The following LMF1 variants were observed in gnomAD, a reference collection of about 807,000 sequenced individuals.
LMF1 encodes transmembrane protein 112.
LMF1 carries 68 observed loss-of-function variants against 60.6 expected under a neutral mutation model. That is an observed-to-expected ratio of 1.12 (90% CI 0.92 to 1.37). LMF1 has a LOEUF of 1.37. Ranked by LOEUF, LMF1 falls within the 40% of genes most tolerant of loss-of-function variation. LMF1 has a pLI of 0.00. For missense variants in LMF1, 948 were observed against 767.2 expected (o/e 1.24, Z -2.78); for synonymous variants, 418 against 324.7 (o/e 1.29, Z -3.09).
At position 881,912 on chromosome 16, in the gene LMF1, C is replaced by G. The variant is rs368485962; in HGVS notation, c.730-2175G>C. ...CTGACGTGTGTCGGCTGAGCTCTGA[C>G]GGGGAGGGGAGCGGGGGCTGCTTAT... On this transcript the variant is annotated intron_variant, in intron 5 of 10. Coordinates refer to ENST00000262301, the MANE Select transcript of LMF1 (RefSeq NM_022773.4). 2.0e-5 allele frequency among the ~76,000 whole-genome samples: 3 copies of G among 152,220 alleles called. No homozygotes were observed. In the South Asian group the frequency reaches 6.2e-4, roughly 32 times the overall value.
intron 2 of LMF1, among the ~76,000 whole-genome samples, chr16:938,205 T>G (rs1361901541): frequency 6.6e-6 from 1 of 152,166 alleles, no homozygotes; most frequent in Non-Finnish European, 1.5e-5. Context: ...GCCGGGACGC[T>G]GGGTCCCGCT....
At chr16:880,220 G>T (rs1191231489) in intron 5 of LMF1, among the ~76,000 whole-genome samples, 2 of 152,152 alleles carry the variant, frequency 1.3e-5, no homozygotes, top group Non-Finnish European at 2.9e-5. Context: ...CAGGAATGGG[G>T]CCCGGGTCCC....
intron 3 of LMF1, among the ~76,000 whole-genome samples, chr16:930,139 G>A (rs557961966): frequency 2.1e-5 from 3 of 143,214 alleles, no homozygotes; most frequent in South Asian, 4.7e-4. Context: ...GGTGGCGTCC[G>A]TCTGAACGGG....
At chr16:891,392 G>T (rs1003696018) in intron 5 of LMF1, among the ~76,000 whole-genome samples, 11 of 152,258 alleles carry the variant, frequency 7.2e-5, no homozygotes, top group African/African-American at 2.7e-4. Flanking sequence ...GAAGGCATCA[G>T]AGTGTTTGTT....
chr16:966,315 A>G (rs1477583752), intron 1 of LMF1, among the ~76,000 whole-genome samples: 2 of 152,176 alleles, frequency 1.3e-5, no homozygotes, highest in Non-Finnish European at 2.9e-5. Context: ...CAAAGCCCCC[A>G]GCACTCATGC....
intron 6 of LMF1, among the ~76,000 whole-genome samples, chr16:877,987 G>C (rs1404588630): frequency 6.6e-6 from 1 of 151,822 alleles, no homozygotes; most frequent in Non-Finnish European, 1.5e-5. Context: ...CGTGGGGTCT[G>C]GCTACACAGA....
At chr16:895,605 A>G (rs2070640133) in intron 4 of LMF1, among the ~76,000 whole-genome samples, 1 of 152,026 alleles carries the variant, frequency 6.6e-6, no homozygotes, top group Admixed American at 6.5e-5. Flanking sequence ...TGTTTGGAAC[A>G]TGGGGCTCGC....
chr16:937,037 GCC>G (rs2071967274), intron 2 of LMF1, among the ~76,000 whole-genome samples: 1 of 152,302 alleles, frequency 6.6e-6, no homozygotes, highest in Admixed American at 6.5e-5. Context: ...GTGACTCAGG[GCC>G]ACCAAAATAC....
chr16:908,814 C>T (rs1025355523), intron 4 of LMF1, among the ~76,000 whole-genome samples: 6 of 152,346 alleles, frequency 3.9e-5, no homozygotes, highest in African/African-American at 1.4e-4. Context: ...AGGGATGCCC[C>T]GGTGCCCGCC....
At chr16:967,950 A>G (rs1415822476) in intron 1 of LMF1, among the ~76,000 whole-genome samples, 1 of 152,254 alleles carries the variant, frequency 6.6e-6, no homozygotes, top group East Asian at 1.9e-4. Context: ...ACCCGAGTCC[A>G]CACGTCAGGA....
At chr16:923,952 T>C (rs2071518053) in intron 3 of LMF1, among the ~76,000 whole-genome samples, 1 of 152,090 alleles carries the variant, frequency 6.6e-6, no homozygotes. Context: ...ATGAGTGAGA[T>C]ATGATCAGAG....
chr16:868,807 G>A lies in LMF1; in HGVS notation c.1529+137C>T. 4 of 616,358 alleles carry A rather than the reference G, an allele frequency of 6.5e-6. No individual in the cohort carries two copies. In the East Asian group the frequency reaches 1.1e-4, roughly 17 times the overall value. 38.2% of individuals were successfully genotyped at this position (616,358 alleles called of 1,614,324 possible). A position where few individuals can be genotyped will look rare whatever the true frequency, so the allele number is the denominator to read the frequency against. On this transcript the variant is annotated intron_variant, in intron 10 of 10. Transcript: ENST00000262301. ...GGGGGGGCCCTTTTTGCTCCCAGCA[G>A]GCCCCACCTCCTGCCTCTGCGGGAG...
intron 10 of LMF1, among the ~76,000 whole-genome samples, chr16:861,491 G>A (rs1325339168): frequency 2.6e-5 from 4 of 151,414 alleles, no homozygotes; most frequent in Non-Finnish European, 5.9e-5. Context: ...CTGAGTAGCT[G>A]GGATTACAGG....
At chr16:912,329 G>C (rs1355425469) in intron 3 of LMF1, among the ~76,000 whole-genome samples, 2 of 152,164 alleles carry the variant, frequency 1.3e-5, no homozygotes, top group East Asian at 3.9e-4. Context: ...GAGAGGACGG[G>C]AGAGTGCAGA....
intron 3 of LMF1, among the ~76,000 whole-genome samples, chr16:923,242 GGA>G (rs141006137): frequency 0.1 from 14,966 of 145,326 alleles, 1,193 homozygotes; most frequent in Non-Finnish European, 0.14. Flanking sequence ...GCAGGGGCAA[GGA>G]GTGTGGGGCG....
intron 3 of LMF1, among the ~76,000 whole-genome samples, chr16:932,016 G>A (rs1392673199): frequency 2.0e-5 from 3 of 152,170 alleles, no homozygotes; most frequent in Non-Finnish European, 4.4e-5. Context: ...CCCCGACGGC[G>A]GCCACACAGG....
intron 4 of LMF1, among the ~76,000 whole-genome samples, chr16:909,316 A>C (rs1360076760): frequency 2.0e-5 from 3 of 152,130 alleles, no homozygotes; most frequent in African/African-American, 7.2e-5. Context: ...AACGAGATGG[A>C]AAGAAGAGCT....
At chr16:855,034 C>G in intron 10 of LMF1, 1 of 435,530 alleles carries the variant, frequency 2.3e-6, no homozygotes, top group Non-Finnish European at 4.3e-6. Flanking sequence ...CTGAGCAAGC[C>G]TGAGACCGTT....
chr16:948,854 CAGCCAACGACAG>C (rs2072338778), intron 2 of LMF1, among the ~76,000 whole-genome samples: 2 of 93,250 alleles, frequency 2.1e-5, no homozygotes, highest in Non-Finnish European at 3.9e-5. Context: ...ACGACAGAGT[CAGCCAACGACAG>C]AGTCAGAGCC....
Sources: allele counts gnomAD v4.1 joint callset (sites outside exome capture counted in the v4.1 genomes callset), GRCh38; gene constraint gnomAD v4.1.1; transcripts MANE v1.5; gene names NCBI Gene and HGNC (gene_info 2026-07-23, HGNC 2026-07-21).